Variants in GUCY1A1 observed in about 807,000 individuals in gnomAD.
The protein encoded by GUCY1A1 is guanylate cyclase 1 soluble subunit alpha 1, also known as guanylate cyclase soluble subunit alpha-1.
Under a neutral mutation model 64.5 loss-of-function variants are expected in GUCY1A1, and 48 were observed. The ratio of observed to expected loss-of-function variants is 0.74; its 90% CI spans 0.59 to 0.95. The LOEUF (loss-of-function observed/expected upper bound fraction) is 0.95, where lower values mean the gene tolerates loss of function less well. Ranked by LOEUF, GUCY1A1 falls within the 40% of genes least tolerant of loss-of-function variation. GUCY1A1 has a pLI of 0.00. For missense variants in GUCY1A1, 804 were observed against 825.3 expected (o/e 0.97, Z 0.32); for synonymous variants, 308 against 303.4 (o/e 1.02, Z -0.16).
chr4:155,676,514 T>C (rs1734965083), intron 2 of GUCY1A1, among the ~76,000 whole-genome samples: 1 of 151,516 alleles, frequency 6.6e-6, no homozygotes, highest in Non-Finnish European at 1.5e-5. Context: ...ACCGTCTATT[T>C]TGTACACAGT....
intron 9 of GUCY1A1, among the ~76,000 whole-genome samples, chr4:155,728,713 A>G (rs1735096139): frequency 6.6e-6 from 1 of 151,816 alleles, no homozygotes; most frequent in Admixed American, 6.6e-5. Context: ...CCAATATGAT[A>G]GGTGTGGTGT....
At chr4:155,711,909 T>C (rs1355359628) in intron 6 of GUCY1A1, among the ~76,000 whole-genome samples, 2 of 152,196 alleles carry the variant, frequency 1.3e-5, no homozygotes, top group African/African-American at 2.4e-5. Context: ...AATAATAAAA[T>C]ATATTGAGAT....
rs10591570 is a variant in GUCY1A1 at position 155,680,922 on chromosome 4, TACAC to T, written c.-113+13525_-113+13528del. On this transcript the variant is annotated intron_variant, in intron 2 of 9. Coordinates refer to ENST00000506455, the MANE Select transcript of GUCY1A1 (RefSeq NM_001130682.3). ...CTGTGTTGTTCAAGGGTCGATTGGA[TACAC>T]ACACACACACACACACACACATGCA... Among the ~76,000 whole-genome samples the T allele has an allele frequency of 1.7e-3, 248 of 148,186 alleles. 1 individual carries two copies. Among genetic ancestry groups the T allele is most frequent in the Middle Eastern group, 3.4e-3 (1 of 292 alleles).
chr4:155,701,332 A>T (rs1331062520), intron 3 of GUCY1A1, among the ~76,000 whole-genome samples: 1 of 152,116 alleles, frequency 6.6e-6, no homozygotes, highest in Non-Finnish European at 1.5e-5. Context: ...ATAAGTTTTG[A>T]TTCAAAATGG....
At chr4:155,678,990 T>C (rs1238377027) in intron 2 of GUCY1A1, among the ~76,000 whole-genome samples, 2 of 152,348 alleles carry the variant, frequency 1.3e-5, no homozygotes, top group East Asian at 3.9e-4. Flanking sequence ...CATTTTAAAA[T>C]GGAATTGTTT....
At chr4:155,677,671 G>A (rs1228739401) in intron 2 of GUCY1A1, among the ~76,000 whole-genome samples, 1 of 152,038 alleles carries the variant, frequency 6.6e-6, no homozygotes, top group Non-Finnish European at 1.5e-5. Context: ...GTCAAACATG[G>A]TGAAACCCCA....
rs1735520638 is a variant in GUCY1A1 at position 155,731,333 on chromosome 4, G to A, written c.*1102G>A. 6.6e-6 allele frequency: 1 copy of A among 151,362 alleles called. No homozygotes were observed. Among genetic ancestry groups the A allele is most frequent in the Non-Finnish European group, 1.5e-5 (1 of 67,718 alleles). The allele number at this position is 151,362 out of a possible 1,614,324, so 9.4% of individuals were successfully genotyped here. A position where few individuals can be genotyped will look rare whatever the true frequency, so the allele number is the denominator to read the frequency against. ...TTGAGTATTTGTGCTGAACATTTTG[G>A]TGTATGTCTATGAACTAAGAATCAA... On this transcript the variant is annotated 3_prime_UTR_variant, in exon 10 of 10. Coordinates refer to ENST00000506455, the MANE Select transcript of GUCY1A1 (RefSeq NM_001130682.3).
chr4:155,724,194 A>G (rs1734354249), intron 9 of GUCY1A1, among the ~76,000 whole-genome samples: 1 of 151,940 alleles, frequency 6.6e-6, no homozygotes, highest in Admixed American at 6.6e-5. Context: ...TCTCAGTGCT[A>G]TTTCCTCTCA....
intron 5 of GUCY1A1, among the ~76,000 whole-genome samples, chr4:155,709,414 CA>C (rs1732244226): frequency 6.6e-6 from 1 of 152,154 alleles, no homozygotes; most frequent in South Asian, 2.1e-4. Context: ...TAACCTATAA[CA>C]TTTATATTTT....
At chr4:155,676,617 A>T (rs1270184448) in intron 2 of GUCY1A1, among the ~76,000 whole-genome samples, 1 of 151,434 alleles carries the variant, frequency 6.6e-6, no homozygotes, top group Non-Finnish European at 1.5e-5. Flanking sequence ...TTTTTGCTGC[A>T]GAGCGTGTGT....
At chr4:155,722,360 A>G (rs376310168) in intron 9 of GUCY1A1, 168 bp downstream of exon 9, 12 of 1,418,678 alleles carry the variant, frequency 8.5e-6, no homozygotes, top group East Asian at 2.6e-5. Flanking sequence ...TACACTGCTT[A>G]TTAGCCTCCT....
At chr4:155,714,313 CT>C (rs1443129723) in intron 7 of GUCY1A1, among the ~76,000 whole-genome samples, 1 of 152,162 alleles carries the variant, frequency 6.6e-6, no homozygotes, top group African/African-American at 2.4e-5. Flanking sequence ...CTCCCATAAT[CT>C]TCATGAACAG....
intron 2 of GUCY1A1, 69 bp from the exon 3 acceptor site, chr4:155,696,686 CT>C: frequency 1.9e-6 from 1 of 513,228 alleles, no homozygotes; most frequent in Non-Finnish European, 3.4e-6. Context: ...TTTTGCTCAC[CT>C]GTCTTTTTCT....
chr4:155,711,260 A>G lies in GUCY1A1; in HGVS notation c.1086+9A>G. On this transcript the variant is annotated intron_variant, in intron 6 of 9. Transcript: ENST00000506455. Reference sequence around the variant, plus strand: ...TGAAAAAATCTTCAAGGGTAAGGAAAACATAATACTATCTTGAATATGAAA... The same window carrying G: ...TGAAAAAATCTTCAAGGGTAAGGAAGACATAATACTATCTTGAATATGAAA... The G allele has an allele frequency of 2.2e-6, 3 of 1,345,088 alleles. No homozygotes were observed. Among genetic ancestry groups the G allele is most frequent in the Non-Finnish European group, 3.2e-6 (3 of 939,176 alleles). The allele number at this position is 1,345,088 out of a possible 1,614,324, so 83.3% of individuals were successfully genotyped here.
chr4:155,716,504 A>AT (rs1318418060), intron 7 of GUCY1A1, among the ~76,000 whole-genome samples: 1 of 152,154 alleles, frequency 6.6e-6, no homozygotes. Context: ...TAATACTTAG[A>AT]TTTTTGATAA....
At chr4:155,687,005 C>T (rs1308817005) in intron 2 of GUCY1A1, among the ~76,000 whole-genome samples, 2 of 151,918 alleles carry the variant, frequency 1.3e-5, no homozygotes, top group South Asian at 4.2e-4. Flanking sequence ...GTAAAGATTG[C>T]TTTCTATATT....
At chr4:155,705,422 G>A (rs1031984071) in intron 4 of GUCY1A1, among the ~76,000 whole-genome samples, 1 of 151,414 alleles carries the variant, frequency 6.6e-6, no homozygotes, top group Non-Finnish European at 1.5e-5. Flanking sequence ...GGTGGCAGAT[G>A]CCTGTAATCC....
chr4:155,717,363 C>T lies in GUCY1A1; in HGVS notation c.1716+61C>T, dbSNP rs183365900. Reference sequence around the variant, plus strand: ...AAGAGCAAATGCGTATAGTTGATTACCAAAACCATGGTGTATCAGTTGGGG... The same window carrying T: ...AAGAGCAAATGCGTATAGTTGATTATCAAAACCATGGTGTATCAGTTGGGG... On this transcript the variant is annotated intron_variant, in intron 8 of 9. Transcript: ENST00000506455. The T allele has an allele frequency of 1.8e-4, 225 of 1,255,260 alleles. No individual in the cohort carries two copies. The African/African-American group carries it at 3.0e-3, about 17-fold the overall frequency. 77.8% of individuals were successfully genotyped at this position (1,255,260 alleles called of 1,614,324 possible).
intron 2 of GUCY1A1, among the ~76,000 whole-genome samples, chr4:155,673,473 G>A (rs1389077549): frequency 1.3e-5 from 2 of 151,598 alleles, no homozygotes; most frequent in Non-Finnish European, 2.9e-5. Flanking sequence ...TATTGAGTAA[G>A]GCTTTCCAGA....
Sources: allele counts gnomAD v4.1 joint callset (sites outside exome capture counted in the v4.1 genomes callset), GRCh38; gene constraint gnomAD v4.1.1; transcripts MANE v1.5; gene names NCBI Gene and HGNC (gene_info 2026-07-23, HGNC 2026-07-21).